Variants in EIF1AX observed in about 807,000 individuals in gnomAD.
EIF1AX encodes eukaryotic translation initiation factor 1A X-linked.
In EIF1AX, 1 loss-of-function variant was observed where a neutral mutation model predicts 16.1. That is an observed-to-expected ratio of 0.06 (90% CI 0.02 to 0.30). The LOEUF is 0.30. Among genes scored for constraint, EIF1AX ranks in the 10% least tolerant of loss-of-function variants. The pLI is 1.00. For missense variants in EIF1AX, 11 were observed against 109.1 expected, an observed-to-expected ratio of 0.10 and a Z score of 4.00; for synonymous variants, 32 against 37.3, an observed-to-expected ratio of 0.86 and a Z score of 0.51.
In EIF1AX at chrX:20,131,678, GGTT is replaced by G. The variant is rs1393316707; in HGVS notation, c.337+501_337+503del. On this transcript the variant is annotated intron_variant, in intron 5 of 6. Transcript: ENST00000379607. ...ACCTAATTACTTGCCCTTGCTTCAT[GGTT>G]TTTTTTTTTTTTTTTTTTTAATTTT... Among the ~76,000 whole-genome samples, 86 of 89,917 alleles carry G rather than the reference GGTT, an allele frequency of 9.6e-4. 1 individual carries two copies. Among genetic ancestry groups the G allele is most frequent in the African/African-American group, 3.7e-3 (78 of 21,255 alleles). The allele number at this position is 89,917 out of a possible 115,157, so 78.1% of individuals were successfully genotyped here. A position where few individuals can be genotyped will look rare whatever the true frequency, so the allele number is the denominator to read the frequency against.
At chrX:20,132,330 T>C (rs2067003800) in intron 4 of EIF1AX, 67 bp from the exon 5 acceptor site, 10 of 703,392 alleles carry the variant, frequency 1.4e-5, no homozygotes, top group Middle Eastern at 3.6e-4. Context: ...TTTCATAAAT[T>C]CTCATATTGA....
intron 1 of EIF1AX, among the ~76,000 whole-genome samples, chrX:20,141,107 T>C (rs1256517918): frequency 2.0e-4 from 22 of 111,660 alleles, no homozygotes; most frequent in African/African-American, 7.2e-4. Flanking sequence ...GCCTTAGAAA[T>C]GTATCAAGGT....
Position 20,127,948 on chromosome X carries a change from G to A in EIF1AX, c.*358C>T, listed in dbSNP as rs2066990308. 1 of 183,705 alleles carries A rather than the reference G, an allele frequency of 5.4e-6. No homozygotes were observed. The highest frequency in any genetic ancestry group is 3.3e-5 in the African/African-American group (1 of 30,242). The allele number at this position is 183,705 out of a possible 1,213,427, so 15.1% of individuals were successfully genotyped here. Reference sequence around the variant, plus strand: ...GACTCTATACAATCAAGAGGCCAGGGCTTAATCAGATTCCGTGAGGACAAG... The same window carrying A: ...GACTCTATACAATCAAGAGGCCAGGACTTAATCAGATTCCGTGAGGACAAG... On this transcript the variant is annotated 3_prime_UTR_variant, in exon 7 of 7. Coordinates refer to ENST00000379607, the MANE Select transcript of EIF1AX (RefSeq NM_001412.4).
chrX:20,136,080 G>C (rs73447107), intron 2 of EIF1AX: 4,135 of 336,263 alleles, frequency 0.012, 141 homozygotes, highest in African/African-American at 0.096. Flanking sequence ...CTCAGGTCAA[G>C]TGTAGAAAAC....
At chrX:20,140,486 CT>C (rs1569175157) in intron 1 of EIF1AX, 1 of 112,330 alleles carries the variant, frequency 8.9e-6, no homozygotes, top group Non-Finnish European at 1.9e-5. Context: ...ATAACTCCAT[CT>C]TTTCCAAAAT....
At chrX:20,134,258 T>C (rs2067009163) in intron 3 of EIF1AX, among the ~76,000 whole-genome samples, 1 of 110,525 alleles carries the variant, frequency 9.0e-6, no homozygotes, top group South Asian at 3.8e-4. Flanking sequence ...CGTGGTGGCA[T>C]GCCCTTGTAG....
intron 5 of EIF1AX, 131 bp downstream of exon 5, chrX:20,132,051 T>C (rs2082310337): frequency 5.1e-6 from 2 of 390,078 alleles, no homozygotes; most frequent in South Asian, 6.6e-5. Context: ...TTATGAAGCA[T>C]AGGCAGGCAT....
intron 5 of EIF1AX, among the ~76,000 whole-genome samples, chrX:20,131,271 T>C (rs923376089): frequency 8.9e-6 from 1 of 112,021 alleles, no homozygotes; most frequent in Non-Finnish European, 1.9e-5. Flanking sequence ...CCAAGAAATG[T>C]TGCTTTTAAA....
chrX:20,132,677 C>T (rs1454402067), intron 4 of EIF1AX, among the ~76,000 whole-genome samples: 1 of 111,807 alleles, frequency 8.9e-6, no homozygotes, highest in Non-Finnish European at 1.9e-5. Context: ...GGAAATTATA[C>T]CTTTCTGTAT....
chrX:20,131,489 G>A (rs1001156720), intron 5 of EIF1AX, among the ~76,000 whole-genome samples: 2 of 109,174 alleles, frequency 1.8e-5, no homozygotes, highest in East Asian at 2.9e-4. Flanking sequence ...AAAATTAGCC[G>A]GGCATGGTGG....
chrX:20,135,459 A>C (rs1476162182), intron 3 of EIF1AX, among the ~76,000 whole-genome samples: 1 of 110,891 alleles, frequency 9.0e-6, no homozygotes, highest in Non-Finnish European at 1.9e-5. Flanking sequence ...AAAAAAGACA[A>C]GGAAAAAAAA....
chrX:20,135,660 T>C (rs1443727926), intron 3 of EIF1AX, 78 bp downstream of exon 3: 26 of 743,977 alleles, frequency 3.5e-5, no homozygotes, highest in Non-Finnish European at 5.2e-5. Flanking sequence ...AAAAATGAAG[T>C]CCATGGACAG....
chrX:20,134,767 ATT>A (rs904098748), intron 3 of EIF1AX, among the ~76,000 whole-genome samples: 2 of 111,718 alleles, frequency 1.8e-5, no homozygotes, highest in African/African-American at 6.5e-5. Context: ...AGAAAAAAAG[ATT>A]TTAGTTTGGG....
chrX:20,126,551 A>G lies in EIF1AX; in HGVS notation c.*1755T>C, dbSNP rs1304953017. ...CTACCAGGAACTATATCAAATATGC[A>G]AAGTTCAAACATTCTTAGTAAAATA... On this transcript the variant is annotated 3_prime_UTR_variant, in exon 7 of 7. Coordinates refer to ENST00000379607, the MANE Select transcript of EIF1AX (RefSeq NM_001412.4). The G allele has an allele frequency of 2.2e-5, 3 of 138,593 alleles. No individual in the cohort carries two copies. The highest frequency in any genetic ancestry group is 1.4e-5 in the Non-Finnish European group (1 of 69,909). 11.4% of individuals were successfully genotyped at this position (138,593 alleles called of 1,213,427 possible).
In EIF1AX at chrX:20,126,067, C is replaced by G. The variant is rs1665622526; in HGVS notation, c.*2239G>C. ...CATTGCAACAAAAATGCAACCCAATCAAAATCATTAGTAATAACTATTACT... is the reference window on the plus strand; with the variant it reads ...CATTGCAACAAAAATGCAACCCAATGAAAATCATTAGTAATAACTATTACT... On this transcript the variant is annotated 3_prime_UTR_variant, in exon 7 of 7. Transcript: ENST00000379607. 1 of 130,570 alleles carries G rather than the reference C, an allele frequency of 7.7e-6. No homozygotes were observed. The highest frequency in any genetic ancestry group is 3.3e-5 in the African/African-American group (1 of 30,018). 10.8% of individuals were successfully genotyped at this position (130,570 alleles called of 1,213,427 possible).
In EIF1AX at chrX:20,138,638, AAAG is replaced by A. The variant is rs753933670; in HGVS notation, c.17-19_17-17del. The A allele has an allele frequency of 1.9e-6, 2 of 1,075,647 alleles. No individual in the cohort carries two copies. Among genetic ancestry groups the A allele is most frequent in the South Asian group, 4.0e-5 (2 of 50,286 alleles). The allele number at this position is 1,075,647 out of a possible 1,213,427, so 88.6% of individuals were successfully genotyped here. ...CCTCCTTTACCTGATGGTTTAAAAA[AAAG>A]AAAAGGAGGTAAATGACATTAATTA... On this transcript the variant is annotated splice_polypyrimidine_tract_variant and intron_variant, in intron 1 of 6. Transcript: ENST00000379607.
intron 1 of EIF1AX, 101 bp downstream of exon 1, chrX:20,141,524 G>T: frequency 9.9e-7 from 1 of 1,012,650 alleles, no homozygotes; most frequent in East Asian, 3.8e-5. Context: ...AGGGCGGGAA[G>T]GAAAAAGGGT....
intron 4 of EIF1AX, among the ~76,000 whole-genome samples, chrX:20,132,511 A>G (rs1381913432): frequency 3.6e-5 from 4 of 111,983 alleles, no homozygotes; most frequent in African/African-American, 1.3e-4. Context: ...TAATAAGAGC[A>G]GAACTGTGCA....
At chrX:20,132,541 T>G (rs1366067290) in intron 4 of EIF1AX, among the ~76,000 whole-genome samples, 2 of 112,044 alleles carry the variant, frequency 1.8e-5, no homozygotes, top group Admixed American at 1.9e-4. Context: ...TTTTAGATTA[T>G]TTAATATTAC....
Sources: allele counts gnomAD v4.1 joint callset (sites outside exome capture counted in the v4.1 genomes callset), GRCh38; gene constraint gnomAD v4.1.1; transcripts MANE v1.5; gene names NCBI Gene and HGNC (gene_info 2026-07-23, HGNC 2026-07-21).